Variants in ATAD2B observed in about 807,000 individuals in gnomAD.
ATAD2B encodes the protein ATPase family AAA domain-containing protein 2B.
In ATAD2B, 40 loss-of-function variants were observed where a neutral mutation model predicts 167.6. The ratio of observed to expected loss-of-function variants is 0.24; its 90% CI spans 0.19 to 0.31. The LOEUF is 0.31. Ranked by LOEUF, ATAD2B falls within the 10% of genes least tolerant of loss-of-function variation. ATAD2B has a pLI of 1.00. For synonymous variants in ATAD2B, 579 were observed against 596.5 expected (o/e 0.97, Z 0.43); for missense variants, 1,242 against 1,757.2 (o/e 0.71, Z 5.24).
At chr2:23,734,063 A>G in the ATAD2B span, among the ~76,000 whole-genome samples, 2 of 152,096 alleles carry the variant, frequency 1.3e-5, no homozygotes, top group East Asian at 1.9e-4. Flanking sequence ...CTCAGGGGGG[A>G]AAAAAGCCTT....
intron 22 of ATAD2B, among the ~76,000 whole-genome samples, chr2:23,777,339 A>G (rs546885720): frequency 2.4e-5 from 3 of 125,478 alleles, no homozygotes; most frequent in African/African-American, 8.5e-5. Flanking sequence ...TGGATCTATC[A>G]TAATACTGAT....
At chr2:23,922,317 C>T (rs183232758) in intron 1 of ATAD2B, among the ~76,000 whole-genome samples, 1 of 151,904 alleles carries the variant, frequency 6.6e-6, no homozygotes, top group African/African-American at 2.4e-5. Context: ...CAAATAAACG[C>T]TAATGACTGA....
intron 13 of ATAD2B, among the ~76,000 whole-genome samples, chr2:23,841,269 C>A (rs976257847): frequency 6.6e-6 from 1 of 151,856 alleles, no homozygotes; most frequent in Non-Finnish European, 1.5e-5. Context: ...TAAACTGAAC[C>A]TTTTATCATT....
At chr2:23,771,274 A>C (rs1392653355) in intron 22 of ATAD2B, among the ~76,000 whole-genome samples, 1 of 152,218 alleles carries the variant, frequency 6.6e-6, no homozygotes, top group Non-Finnish European at 1.5e-5. Flanking sequence ...TTCTGGAAGT[A>C]GGGATGCCTT....
At chr2:23,708,077 C>T in the ATAD2B span, 1 of 152,156 alleles carries the variant, frequency 6.6e-6, no homozygotes, top group African/African-American at 2.4e-5. Flanking sequence ...AACTTGCCAT[C>T]GTTTCATGAT....
intron 6 of ATAD2B, 22 bp from the exon 7 acceptor site, chr2:23,880,777 G>A (rs764848969): frequency 2.8e-6 from 4 of 1,418,248 alleles, no homozygotes; most frequent in Admixed American, 2.0e-5. Context: ...CACACAAAAA[G>A]AAAAGAAAAA....
chr2:23,768,384 C>G (rs543204514), intron 22 of ATAD2B, among the ~76,000 whole-genome samples: 1 of 152,048 alleles, frequency 6.6e-6, no homozygotes, highest in African/African-American at 2.4e-5. Context: ...CTGACTCATT[C>G]CCATTACCTG....
intron 7 of ATAD2B, among the ~76,000 whole-genome samples, chr2:23,877,804 G>A (rs1187106608): frequency 3.3e-5 from 5 of 150,282 alleles, no homozygotes; most frequent in Non-Finnish European, 7.4e-5. Flanking sequence ...AAGCTGCAGT[G>A]AGCCAACAGC....
intron 1 of ATAD2B, among the ~76,000 whole-genome samples, chr2:23,913,436 T>C (rs1314639327): frequency 6.6e-6 from 1 of 152,138 alleles, no homozygotes; most frequent in Non-Finnish European, 1.5e-5. Context: ...GGTCAGGAGT[T>C]CGAGACCAGC....
chr2:23,918,172 C>G (rs1234514516), intron 1 of ATAD2B, among the ~76,000 whole-genome samples: 2 of 135,990 alleles, frequency 1.5e-5, no homozygotes, highest in African/African-American at 5.5e-5. Context: ...TTGAGACCAG[C>G]TTGGGCAACA....
At chr2:23,721,684 G>A in the ATAD2B span, among the ~76,000 whole-genome samples, 1 of 151,948 alleles carries the variant, frequency 6.6e-6, no homozygotes, top group African/African-American at 2.4e-5. Context: ...CCAAGCAGCT[G>A]TATGCCCACA....
intron 13 of ATAD2B, among the ~76,000 whole-genome samples, chr2:23,841,594 C>T (rs1433779783): frequency 2.0e-5 from 3 of 152,140 alleles, no homozygotes; most frequent in African/African-American, 7.2e-5. Context: ...CAACACACTA[C>T]TGCCTTGACC....
chr2:23,687,136 A>G, the ATAD2B span, among the ~76,000 whole-genome samples: 2 of 152,100 alleles, frequency 1.3e-5, no homozygotes, highest in African/African-American at 2.4e-5. Context: ...TTTGACCCCA[A>G]GCAGTGGCTC....
chr2:23,864,234 A>G (rs1377822020), intron 11 of ATAD2B, among the ~76,000 whole-genome samples: 1 of 151,872 alleles, frequency 6.6e-6, no homozygotes, highest in African/African-American at 2.4e-5. Context: ...CGAATTCCTG[A>G]CCTCAGGTGA....
At chr2:23,697,549 C>A in the ATAD2B span, 9 of 152,258 alleles carry the variant, frequency 5.9e-5, no homozygotes, top group Non-Finnish European at 1.5e-5. Context: ...GCCACACATA[C>A]CCCTCAATTT....
chr2:23,741,855 A>G, the ATAD2B span, among the ~76,000 whole-genome samples: 1 of 152,236 alleles, frequency 6.6e-6, no homozygotes, highest in Non-Finnish European at 1.5e-5. Flanking sequence ...ACAAATTTAC[A>G]AGAAAAAAAC....
intron 17 of ATAD2B, among the ~76,000 whole-genome samples, chr2:23,812,915 T>C (rs184006865): frequency 2.0e-5 from 3 of 151,766 alleles, no homozygotes; most frequent in East Asian, 1.9e-4. Context: ...AAGCACTTGA[T>C]AGAGATTTCT....
At chr2:23,695,918 G>A in the ATAD2B span, 7 of 1,546,362 alleles carry the variant, frequency 4.5e-6, no homozygotes, top group Non-Finnish European at 6.1e-6. This position sits in a 1 kb window ranked among gnomAD's most constrained non-coding sequence, Gnocchi z 7.6. Context: ...GTCTTAGAGT[G>A]TGTCCCAAGG....
At chr2:23,709,915 C>T in the ATAD2B span, among the ~76,000 whole-genome samples, 10 of 152,284 alleles carry the variant, frequency 6.6e-5, no homozygotes, top group East Asian at 1.7e-3. Context: ...TCTGGGTCTA[C>T]GAAGAGTCTG....
Sources: gnomAD v4.1 joint callset for allele counts (sites outside exome capture counted in the v4.1 genomes callset) on GRCh38, gnomAD v4.1.1 for gene constraint, Gnocchi (gnomAD v3.1) non-coding constraint, MANE v1.5 for transcripts, NCBI Gene and HGNC (gene_info 2026-07-23, HGNC 2026-07-21) for gene names.